AP1G2: variants seen among roughly 807,000 people sequenced by gnomAD.
AP1G2 encodes the protein AP-1 complex subunit gamma-like 2.
Under a neutral mutation model 95.8 loss-of-function variants are expected in AP1G2, and 85 were observed. The observed-to-expected ratio is 0.89, with a 90% CI of 0.74 to 1.06. The LOEUF (loss-of-function observed/expected upper bound fraction) is 1.06. AP1G2 is among the 50% of genes least tolerant of loss of function. The pLI is 0.00. For synonymous variants in AP1G2, 378 were observed against 400.0 expected, an observed-to-expected ratio of 0.94 and a Z score of 0.66; for missense variants, 967 against 1,005.8, an observed-to-expected ratio of 0.96 and a Z score of 0.52.
At chr14:23,565,744 C>T (rs1422895849) in intron 6 of AP1G2, 43 bp from the exon 7 acceptor site, 5 of 1,609,322 alleles carry the variant, frequency 3.1e-6, no homozygotes, top group Non-Finnish European at 3.4e-6. Context: ...CTAATCCTCT[C>T]CAGCTAAAGC....
rs531832082 is a variant in AP1G2, at chr14:23,561,365, G to A, written c.1924C>T (p.His642Tyr). 2 of 1,597,332 alleles carry A rather than the reference G, an allele frequency of 1.3e-6. No individual in the cohort carries two copies. Among genetic ancestry groups the A allele is most frequent in the African/African-American group, 2.7e-5 (2 of 74,572 alleles). The change falls in exon 19 of 22, where the codon CAT (histidine) becomes TAT (tyrosine). Residue 642 changes from histidine (H) to tyrosine (Y), a missense_variant. By Grantham distance (83) the His-to-Tyr change is moderately conservative. Transcript: ENST00000397120. ...GCACCTCCTGGGGAGGGGTCCAGAT[G>A]GGGAGGATGCTGGACATCCCCAGAA... is the stretch of plus-strand genomic sequence containing the variant. ...GASGDVQHPPHLDPSPGGALV... is the reference protein window; with the variant it reads ...GASGDVQHPPYLDPSPGGALV...
chr14:23,563,641 A>T lies in AP1G2; in HGVS notation c.1233-3T>A, dbSNP rs184979172. 5.3e-5 allele frequency: 86 copies of T among 1,614,188 alleles called. 1 individual carries two copies. The Admixed American group carries it at 1.4e-3, about 27-fold the overall frequency. On this transcript the variant is annotated splice_polypyrimidine_tract_variant and splice_region_variant and intron_variant, in intron 12 of 21. Transcript: ENST00000397120. ...GCCAGCGTTTGGTTGGAGCAAACCTAGGGGATATATGGCTCATCAGTCCTG... is the reference window on the plus strand; with the variant it reads ...GCCAGCGTTTGGTTGGAGCAAACCTTGGGGATATATGGCTCATCAGTCCTG...
rs1886874583 is a variant in AP1G2, at chr14:23,564,644, T to C, written c.839A>G (p.Asp280Gly). 6.2e-7 allele frequency: 1 copy of C among 1,613,666 alleles called. No individual in the cohort carries two copies. Among genetic ancestry groups the C allele is most frequent in the Non-Finnish European group, 8.5e-7 (1 of 1,180,002 alleles). The part of the protein sequence containing the change: ...DLLAQVATNT[D>G]TSRNAGNAVL... Reference sequence around the variant, plus strand: ...CGCATTTCCGGCATTTCGGCTGGTGTCCGTGTTAGTGGCCACCTGAGTGGA... The same window carrying C: ...CGCATTTCCGGCATTTCGGCTGGTGCCCGTGTTAGTGGCCACCTGAGTGGA... Residue 280 changes from aspartate (D) to glycine (G), a missense_variant, in exon 9 of 22, where the codon GAC becomes GGC. Coordinates refer to ENST00000397120, the MANE Select transcript of AP1G2 (RefSeq NM_003917.5).
At position 23,566,073 on chromosome 14, in the gene AP1G2, G is replaced by C; in HGVS notation, c.559C>G (p.Arg187Gly). The part of the protein sequence containing the change: ...LPPCAQLLHE[R>G]HHGILLGTIT... ...GGCCCCACAGCCTTACCATGGTGAC[G>C]CTCATGAAGCAGTTGGGCACAGGGT... is the stretch of plus-strand genomic sequence containing the variant. The change falls in exon 5 of 22, where the codon CGT becomes GGT. Residue 187 changes from arginine to glycine, a missense_variant. Physicochemically the swap from Arg to Gly is moderately radical, Grantham distance 125. Coordinates refer to ENST00000397120, the MANE Select transcript of AP1G2 (RefSeq NM_003917.5). The C allele has an allele frequency of 1.2e-6, 2 of 1,614,140 alleles. No homozygotes were observed. The highest frequency in any genetic ancestry group is 1.7e-6 in the Non-Finnish European group (2 of 1,179,996).
At chr14:23,565,326 C>T in intron 7 of AP1G2, 127 bp from the exon 8 acceptor site, 1 of 992,304 alleles carries the variant, frequency 1.0e-6, no homozygotes, top group Non-Finnish European at 1.5e-6. Context: ...CTCCTCACCT[C>T]CACAGGTCCC....
At chr14:23,563,016 T>TAATTAAA in intron 14 of AP1G2, 1 of 1,092,516 alleles carries the variant, frequency 9.2e-7, no homozygotes, top group Non-Finnish European at 1.2e-6. Context: ...CCCACCCTAT[T>TAATTAAA]TAATTAAGAT....
Position 23,567,303 on chromosome 14 carries a change from A to T in AP1G2, c.12T>A (p.Pro4=). The change falls in exon 2 of 22, where the codon CCT becomes CCA. Residue 4 remains proline (P), a synonymous_variant. Coordinates refer to ENST00000397120, the MANE Select transcript of AP1G2 (RefSeq NM_003917.5). The surrounding 1 kb of genome is among the most constrained non-coding windows in gnomAD (Gnocchi z 5.3). MVV[P]SLKLQDLIEE... ...CGATGAGGTCCTGAAGCTTCAGCGA[A>T]GGCACCACCATCCTGACTGGCAGAG... The T allele has an allele frequency of 1.2e-6, 2 of 1,612,700 alleles. No individual in the cohort carries two copies. Among genetic ancestry groups the T allele is most frequent in the Non-Finnish European group, 8.5e-7 (1 of 1,179,644 alleles).
Position 23,567,381 on chromosome 14 carries a change from G to A in AP1G2, c.-5-62C>T. 6.6e-7 allele frequency: 1 copy of A among 1,526,258 alleles called. No individual in the cohort carries two copies. Among genetic ancestry groups the A allele is most frequent in the Non-Finnish European group, 8.7e-7 (1 of 1,147,134 alleles). 94.5% of individuals were successfully genotyped at this position (1,526,258 alleles called of 1,614,324 possible). ...CGGGCGTGCCTGGGCTTTCGGCCCA[G>A]GCCCGTCCTGTGTCAAGACCCTAAG... On this transcript the variant is annotated intron_variant, in intron 1 of 21. Transcript: ENST00000397120. The surrounding 1 kb of genome is among the most constrained non-coding windows in gnomAD (Gnocchi z 5.3).
In AP1G2 at chr14:23,566,130, T is replaced by TC. The variant is rs771100631; in HGVS notation, c.501dup (p.Lys168GlufsTer4). ...AAGACACTGGAGAGTTCAGGGACCT[T>TC]CCGGATCATGTGCACTGCAGTCAGA... On this transcript the variant is annotated frameshift_variant, in exon 5 of 22. Transcript: ENST00000397120. LOFTEE classifies it high-confidence loss of function. 9.3e-6 allele frequency: 15 copies of TC among 1,608,896 alleles called. No individual in the cohort carries two copies. In the South Asian group the frequency reaches 1.7e-4, roughly 18 times the overall value.
Position 23,560,034 on chromosome 14 carries a change from A to G in AP1G2, c.2160T>C (p.Ser720=), listed in dbSNP as rs2139038542. 1 of 1,599,642 alleles carries G rather than the reference A, an allele frequency of 6.3e-7. No individual in the cohort carries two copies. Among genetic ancestry groups the G allele is most frequent in the African/African-American group, 1.3e-5 (1 of 74,682 alleles). The part of the protein sequence containing the change: ...HFICQAAVPK[S]LQLQLQAPSG... ...TGGGGGCCTGCAGCTGCAGCTGGAG[A>G]CTCTGAACACAGGAGTTTAACAGAG... Residue 720 remains serine (S), a splice_region_variant and synonymous_variant, in exon 21 of 22, where the codon AGT becomes AGC. Coordinates refer to ENST00000397120, the MANE Select transcript of AP1G2 (RefSeq NM_003917.5).
rs570893726 is a variant in AP1G2 at position 23,561,694 on chromosome 14, A to G, written c.1734-59T>C. The G allele has an allele frequency of 1.1e-5, 17 of 1,595,674 alleles. No individual in the cohort carries two copies. In the East Asian group the frequency reaches 3.6e-4, roughly 34 times the overall value. On this transcript the variant is annotated intron_variant, in intron 17 of 21. Transcript: ENST00000397120. Reference sequence around the variant, plus strand: ...GGTCTCTGGGCCTTTCACAAGAGGCATCTAGGATGAGGACTAGGAATATGG... The same window carrying G: ...GGTCTCTGGGCCTTTCACAAGAGGCGTCTAGGATGAGGACTAGGAATATGG...
intron 14 of AP1G2, chr14:23,562,979 T>G: frequency 1.2e-6 from 1 of 851,362 alleles, no homozygotes; most frequent in Non-Finnish European, 1.6e-6. Context: ...GTCCCTCCCT[T>G]GTGGAAGGGG....
intron 17 of AP1G2, 132 bp from the exon 18 acceptor site, chr14:23,561,767 A>G: frequency 6.8e-7 from 1 of 1,474,458 alleles, no homozygotes; most frequent in Non-Finnish European, 9.0e-7. Flanking sequence ...ATTTCCTAAA[A>G]TGACATGTTG....
At position 23,566,048 on chromosome 14, in the gene AP1G2, G is replaced by T; in HGVS notation, c.568+16C>A. The T allele has an allele frequency of 1.2e-6, 2 of 1,614,118 alleles. No homozygotes were observed. The highest frequency in any genetic ancestry group is 2.2e-5 in the South Asian group (2 of 91,076). On this transcript the variant is annotated intron_variant, in intron 5 of 21. Transcript: ENST00000397120. ...CATAGACCTGAAGCAAAGGATGGGG[G>T]GCCCCACAGCCTTACCATGGTGACG...
chr14:23,563,413 GC>G lies in AP1G2; in HGVS notation c.1376del (p.Arg459ProfsTer74). 6.2e-7 allele frequency: 1 copy of G among 1,608,140 alleles called. No homozygotes were observed. Among genetic ancestry groups the G allele is most frequent in the South Asian group, 1.1e-5 (1 of 90,040 alleles). ...AQELHAYSVR[R>X]LYNALAEDIS... Reference sequence around the variant, plus strand: ...TGTCTTCTGCCAGGGCATTGTAGAGGCGGCGCACAGAGTAGGCATGTAGCTC... The same window carrying G: ...TGTCTTCTGCCAGGGCATTGTAGAGGGGCGCACAGAGTAGGCATGTAGCTC... On this transcript the variant is annotated frameshift_variant, in exon 14 of 22. Transcript: ENST00000397120. LOFTEE classifies it high-confidence loss of function.
chr14:23,563,271 AG>A (rs1886015697), intron 14 of AP1G2, 108 bp downstream of exon 14: 2 of 1,513,112 alleles, frequency 1.3e-6, no homozygotes, highest in Non-Finnish European at 1.8e-6. Flanking sequence ...GCACTGTGTA[AG>A]CAGCTGTGAC....
In AP1G2 at chr14:23,563,863, GGAGA is replaced by G; in HGVS notation, c.1092-11_1092-8del. 1 of 1,612,664 alleles carries G rather than the reference GGAGA, an allele frequency of 6.2e-7. No homozygotes were observed. Among genetic ancestry groups the G allele is most frequent in the Non-Finnish European group, 8.5e-7 (1 of 1,179,080 alleles). ...GCTTAGTTCCAGGGCTCTCCTGGCA[GGAGA>G]AAGAGGTTTCCATGCAGGTAGCCCA... On this transcript the variant is annotated splice_polypyrimidine_tract_variant and splice_region_variant and intron_variant, in intron 11 of 21. Coordinates refer to ENST00000397120, the MANE Select transcript of AP1G2 (RefSeq NM_003917.5).
Position 23,561,409 on chromosome 14 carries a change from A to G in AP1G2, c.1880T>C (p.Leu627Pro), listed in dbSNP as rs765846006. The G allele has an allele frequency of 1.2e-6, 2 of 1,608,726 alleles. No individual in the cohort carries two copies. The highest frequency in any genetic ancestry group is 1.7e-6 in the Non-Finnish European group (2 of 1,176,434). ...EPQASQLLDL[L>P]DLLDGASGDV... ...CCCAGAAGCCCCATCCAGGAGATCT[A>G]GCAGATCCAGGAGCTGTGAGGCCTG... Residue 627 changes from leucine (L) to proline (P), a missense_variant, in exon 19 of 22, where the codon CTA becomes CCA. Leu to Pro is a moderately conservative substitution (Grantham distance 98). Transcript: ENST00000397120.
At chr14:23,560,605 G>A (rs1004799663) in intron 19 of AP1G2, 187 bp from the exon 20 acceptor site, 9 of 532,958 alleles carry the variant, frequency 1.7e-5, no homozygotes, top group African/African-American at 9.8e-5. Context: ...AAAAAAGGCC[G>A]GGCGTGAGCC....
Sources: allele counts gnomAD v4.1 joint callset, GRCh38; gene constraint gnomAD v4.1.1; non-coding constraint Gnocchi (gnomAD v3.1); transcripts MANE v1.5; gene names NCBI Gene and HGNC (gene_info 2026-07-23, HGNC 2026-07-21).